KIF21B: variants seen among roughly 807,000 people sequenced by gnomAD.
KIF21B encodes the protein kinesin family member 21B, also known as kinesin-like protein KIF21B.
In KIF21B, 85 loss-of-function variants were observed where a neutral mutation model predicts 192.9. The observed-to-expected ratio is 0.44, with a 90% CI of 0.37 to 0.53. The LOEUF (loss-of-function observed/expected upper bound fraction) is 0.53. KIF21B is among the 20% of genes least tolerant of loss of function. The probability of loss-of-function intolerance (pLI) is 0.00; values close to 1 mark genes in which losing one functional copy is unlikely to be tolerated. For missense variants in KIF21B, 1,716 were observed against 2,194.8 expected, an observed-to-expected ratio of 0.78 and a Z score of 4.36; for synonymous variants, 832 against 884.6, an observed-to-expected ratio of 0.94 and a Z score of 1.05.
intron 26 of KIF21B, among the ~76,000 whole-genome samples, chr1:200,985,642 G>A (rs1656235849): frequency 6.6e-6 from 1 of 152,168 alleles, no homozygotes; most frequent in African/African-American, 2.4e-5. Flanking sequence ...ATCTACAGAA[G>A]CTCTGTGGGC....
At chr1:200,994,007 A>G (rs1199148116) in intron 15 of KIF21B, among the ~76,000 whole-genome samples, 1 of 152,172 alleles carries the variant, frequency 6.6e-6, no homozygotes, top group African/African-American at 2.4e-5. Flanking sequence ...AAACTCCAGC[A>G]TCCCAGGAGC....
intron 14 of KIF21B, among the ~76,000 whole-genome samples, chr1:200,997,203 G>A (rs376609690): frequency 1.4e-4 from 21 of 152,068 alleles, no homozygotes; most frequent in South Asian, 6.2e-4. Flanking sequence ...CACACATCCC[G>A]TCTCCCTCAG....
At position 201,013,127 on chromosome 1, in the gene KIF21B, C is replaced by G. The variant is rs540434655; in HGVS notation, c.42-3639G>C. ...CAGACACTGTCTCAGTCATCCTGGGCTCACTCTTTACCACACCCTGCCTAG... is the reference window on the plus strand; with the variant it reads ...CAGACACTGTCTCAGTCATCCTGGGGTCACTCTTTACCACACCCTGCCTAG... On this transcript the variant is annotated intron_variant, in intron 1 of 34. Transcript: ENST00000461742. 5.3e-5 allele frequency among the ~76,000 whole-genome samples: 8 copies of G among 152,316 alleles called. No individual in the cohort carries two copies. In the East Asian group the frequency reaches 1.5e-3, roughly 29 times the overall value.
intron 30 of KIF21B, among the ~76,000 whole-genome samples, chr1:200,978,484 A>AC (rs1192373142): frequency 7.2e-6 from 1 of 139,618 alleles, no homozygotes; most frequent in Non-Finnish European, 1.6e-5. Context: ...CATTATCAAC[A>AC]CCCCCCACCA....
rs115384272 is a variant in KIF21B, at chr1:200,990,354, G to A, written c.2836-22C>T. On this transcript the variant is annotated intron_variant, in intron 19 of 34. Coordinates refer to ENST00000461742, the MANE Select transcript of KIF21B (RefSeq NM_001252102.2). This position sits in a 1 kb window ranked among gnomAD's most constrained non-coding sequence, Gnocchi z 5.4. Reference sequence around the variant, plus strand: ...TTTTCTGGGGTCAGAGGGGAGGGTGGTGATTGTGATGAAGGAGAGGCCTCA... The same window carrying A: ...TTTTCTGGGGTCAGAGGGGAGGGTGATGATTGTGATGAAGGAGAGGCCTCA... 1.9e-3 allele frequency: 3,080 copies of A among 1,583,542 alleles called. 8 individuals are homozygous for A. Among genetic ancestry groups the A allele is most frequent in the Middle Eastern group, 0.017 (98 of 5,852 alleles).
At chr1:200,973,659 A>G (rs1259031446) in intron 34 of KIF21B, 81 bp from the exon 35 acceptor site, 18 of 1,511,130 alleles carry the variant, frequency 1.2e-5, no homozygotes, top group Admixed American at 4.7e-5. Flanking sequence ...GTAGAGGATG[A>G]ACTGGATTCC....
chr1:200,998,335 G>C lies in KIF21B; in HGVS notation c.2077+49C>G. On this transcript the variant is annotated intron_variant, in intron 14 of 34. Coordinates refer to ENST00000461742, the MANE Select transcript of KIF21B (RefSeq NM_001252102.2). This position sits in a 1 kb window ranked among gnomAD's most constrained non-coding sequence, Gnocchi z 4.3. ...TGCTTTTGACAGAGGAGGGGCTCAG[G>C]GAAAAGGGAGGGTCCGGATGGGGTG... 1 of 1,548,884 alleles carries C rather than the reference G, an allele frequency of 6.5e-7. No individual in the cohort carries two copies. The highest frequency in any genetic ancestry group is 1.2e-5 in the South Asian group (1 of 85,926).
rs771556735 is a variant in KIF21B at position 200,990,926 on chromosome 1, C to A, written c.2678G>T (p.Arg893Leu). 1 of 1,614,018 alleles carries A rather than the reference C, an allele frequency of 6.2e-7. No individual in the cohort carries two copies. Among genetic ancestry groups the A allele is most frequent in the Non-Finnish European group, 8.5e-7 (1 of 1,180,058 alleles). ...DHPAPTVNGT[R>L]PARKKFQKKG... ...TGCCAGTCCACCTTACCGGGCAGGA[C>A]GGGTGCCATTGACAGTGGGCGCAGG... is the stretch of plus-strand genomic sequence containing the variant. Residue 893 changes from arginine (R) to leucine (L), a missense_variant, in exon 18 of 35, where the codon CGT (arginine) becomes CTT (leucine). Arg to Leu is a moderately radical substitution (Grantham distance 102, BLOSUM62 -2). This residue lies in a region of KIF21B where 1,087 missense variants were observed against 1,316.6 expected (regional missense o/e 0.83). Coordinates refer to ENST00000461742, the MANE Select transcript of KIF21B (RefSeq NM_001252102.2). This position sits in a 1 kb window ranked among gnomAD's most constrained non-coding sequence, Gnocchi z 5.4.
At chr1:200,984,738 G>T in intron 27 of KIF21B, 121 bp downstream of exon 27, 1 of 614,576 alleles carries the variant, frequency 1.6e-6, no homozygotes. Context: ...GCTCTTGGAG[G>T]GGCTGGAACT....
chr1:201,000,920 C>G lies in KIF21B; in HGVS notation c.1403-140G>C, dbSNP rs1657456940. On this transcript the variant is annotated intron_variant, in intron 9 of 34. Coordinates refer to ENST00000461742, the MANE Select transcript of KIF21B (RefSeq NM_001252102.2). This position sits in a 1 kb window ranked among gnomAD's most constrained non-coding sequence, Gnocchi z 6.0. ...GCTGGGAGTTCGAGACTAGCCTGAC[C>G]AACATGGAGAAACCCCGTCTCTACT... 1.3e-6 allele frequency: 1 copy of G among 777,726 alleles called. No homozygotes were observed. The highest frequency in any genetic ancestry group is 1.5e-5 in the South Asian group (1 of 67,924). The allele number at this position is 777,726 out of a possible 1,614,324, so 48.2% of individuals were successfully genotyped here.
At position 201,004,919 on chromosome 1, in the gene KIF21B, C is replaced by A; in HGVS notation, c.747G>T (p.Val249=). The change falls in exon 6 of 35, where the codon GTG becomes GTT. Residue 249 remains valine, a synonymous_variant. Transcript: ENST00000461742. Reference sequence around the variant, plus strand: ...GAGGTGTACCATCAGGAAGCCCAGTCACCGCCTCATTCACCTGCAGCAGAA... The same window carrying A: ...GAGGTGTACCATCAGGAAGCCCAGTAACCGCCTCATTCACCTGCAGCAGAA... ...CTQPDLVNEA[V]TGLPDGTPPS... is the part of the protein sequence containing the mutation. 1 of 1,607,860 alleles carries A rather than the reference C, an allele frequency of 6.2e-7. No homozygotes were observed. The highest frequency in any genetic ancestry group is 1.1e-5 in the South Asian group (1 of 90,898).
Position 200,999,816 on chromosome 1 carries a change from C to T in KIF21B, c.1767+67G>A, listed in dbSNP as rs1342677395. The T allele has an allele frequency of 3.9e-6, 6 of 1,550,966 alleles. No individual in the cohort carries two copies. The Admixed American group carries it at 5.0e-5, about 13-fold the overall frequency. ...ACTCCATACAAGGATGCGGATGGGG[C>T]CCCCGCCAACCCCAGCAGGGACACA... is the stretch of plus-strand genomic sequence containing the variant. On this transcript the variant is annotated intron_variant, in intron 12 of 34. Coordinates refer to ENST00000461742, the MANE Select transcript of KIF21B (RefSeq NM_001252102.2). This position sits in a 1 kb window ranked among gnomAD's most constrained non-coding sequence, Gnocchi z 4.7.
In KIF21B at chr1:200,974,859, G is replaced by C. The variant is rs374243060; in HGVS notation, c.4669C>G (p.Arg1557Gly). 1.2e-6 allele frequency: 2 copies of C among 1,614,064 alleles called. No homozygotes were observed. Among genetic ancestry groups the C allele is most frequent in the Non-Finnish European group, 1.7e-6 (2 of 1,180,030 alleles). ...CGGCAGGCGCTGAGCAGCATGGGGC[G>C]GCCCGGGATGAAGGCCAGGGCGCAC... ...WVCALAFIPG[R>G]PMLLSACRAG... is the part of the protein sequence containing the mutation. The change falls in exon 34 of 35, where the codon CGC becomes GGC. Residue 1557 changes from arginine to glycine, a missense_variant. Physicochemically the swap from Arg to Gly is moderately radical, Grantham distance 125. Coordinates refer to ENST00000461742, the MANE Select transcript of KIF21B (RefSeq NM_001252102.2).
chr1:201,007,698 A>G (rs1026600726), intron 3 of KIF21B, among the ~76,000 whole-genome samples: 1 of 151,670 alleles, frequency 6.6e-6, no homozygotes, highest in Admixed American at 6.6e-5. Flanking sequence ...ACACACACAG[A>G]CAGATGCGCA....
At position 200,973,964 on chromosome 1, in the gene KIF21B, G is replaced by A. The variant is rs190610561; in HGVS notation, c.4815-386C>T. 1.2e-5 allele frequency: 18 copies of A among 1,543,478 alleles called. No individual in the cohort carries two copies. In the East Asian group the frequency reaches 4.2e-4, roughly 36 times the overall value. On this transcript the variant is annotated intron_variant, in intron 34 of 34. Coordinates refer to ENST00000461742, the MANE Select transcript of KIF21B (RefSeq NM_001252102.2). ...GCACCTCTCTAGGCCAGGCAGGACAGGAAGGGAAAGGAAGAAGAAGGAGTA... is the reference window on the plus strand; with the variant it reads ...GCACCTCTCTAGGCCAGGCAGGACAAGAAGGGAAAGGAAGAAGAAGGAGTA...
chr1:201,003,383 C>T (rs1657611233), intron 8 of KIF21B: 2 of 616,150 alleles, frequency 3.2e-6, no homozygotes, highest in East Asian at 2.8e-5. Context: ...TCAGACTATG[C>T]TTGATTCACA....
chr1:201,009,573 G>T, intron 1 of KIF21B, 85 bp from the exon 2 acceptor site: 1 of 1,315,196 alleles, frequency 7.6e-7, no homozygotes, highest in Non-Finnish European at 1.0e-6. Context: ...CTGCCAAGCT[G>T]CCACTTCCCC....
intron 32 of KIF21B, among the ~76,000 whole-genome samples, chr1:200,976,425 G>A (rs1305126825): frequency 1.3e-5 from 2 of 152,162 alleles, no homozygotes; most frequent in Non-Finnish European, 2.9e-5. Flanking sequence ...TGTATGGACA[G>A]TTTTCAATGG....
chr1:201,014,460 G>A (rs1658395098), intron 1 of KIF21B, among the ~76,000 whole-genome samples: 1 of 152,200 alleles, frequency 6.6e-6, no homozygotes, highest in Non-Finnish European at 1.5e-5. Context: ...GGCAGCCCAG[G>A]GGTATGCTGA....
Sources: allele counts gnomAD v4.1 joint callset (sites outside exome capture counted in the v4.1 genomes callset), GRCh38; gene constraint gnomAD v4.1.1; regional missense constraint gnomAD v4.1.1; non-coding constraint Gnocchi (gnomAD v3.1); transcripts MANE v1.5; gene names NCBI Gene and HGNC (gene_info 2026-07-23, HGNC 2026-07-21).